Variants in KCNAB1 observed in about 807,000 individuals in gnomAD.
KCNAB1 encodes the protein voltage-gated potassium channel subunit beta-1.
In KCNAB1, 35 loss-of-function variants were observed where a neutral mutation model predicts 64.6. The observed-to-expected ratio is 0.54, with a 90% CI of 0.41 to 0.72. The LOEUF is 0.72. KCNAB1 is among the 30% of genes least tolerant of loss of function. The probability of loss-of-function intolerance (pLI) is 0.00; values close to 1 mark genes in which losing one functional copy is unlikely to be tolerated. For synonymous variants in KCNAB1, 177 were observed against 183.8 expected, an observed-to-expected ratio of 0.96 and a Z score of 0.30; for missense variants, 401 against 512.9, an observed-to-expected ratio of 0.78 and a Z score of 2.11.
Position 156,120,653 on chromosome 3 carries a change from A to G in KCNAB1, c.42A>G (p.Ser14=). The G allele has an allele frequency of 6.2e-7, 1 of 1,614,238 alleles. No individual in the cohort carries two copies. The highest frequency in any genetic ancestry group is 1.1e-5 in the South Asian group (1 of 91,088). The change falls in exon 1 of 14, where the codon TCA becomes TCG. Residue 14 remains serine, a synonymous_variant. Transcript: ENST00000490337. ...CAGGGGCAGCGGGGAGTCAGATCTC[A>G]GAGGAGAACACCAAGTTAAGGAGAC... ...ARTGAAGSQI[S]EENTKLRRQS... is the part of the protein sequence containing the mutation.
In KCNAB1 at chr3:156,252,827, G is replaced by A. The variant is rs564466315; in HGVS notation, c.275+131941G>A. Among the ~76,000 whole-genome samples the A allele has an allele frequency of 5.3e-5, 8 of 152,284 alleles. No individual in the cohort carries two copies. The East Asian group carries it at 1.2e-3, about 22-fold the overall frequency. On this transcript the variant is annotated intron_variant, in intron 1 of 13. Transcript: ENST00000490337. ...AAGAGAGTCAGCAGCTTTCCAACGCGCATTGTCTTAAAAACTTTCATATCC... is the reference window on the plus strand; with the variant it reads ...AAGAGAGTCAGCAGCTTTCCAACGCACATTGTCTTAAAAACTTTCATATCC...
intron 1 of KCNAB1, among the ~76,000 whole-genome samples, chr3:156,231,936 C>T (rs1220722371): frequency 6.6e-6 from 1 of 152,162 alleles, no homozygotes; most frequent in Non-Finnish European, 1.5e-5. Flanking sequence ...CACATGTTCT[C>T]AGGCTGAGGG....
chr3:156,208,840 C>G (rs1020611434), intron 1 of KCNAB1, among the ~76,000 whole-genome samples: 1 of 152,164 alleles, frequency 6.6e-6, no homozygotes, highest in Non-Finnish European at 1.5e-5. Context: ...ATAGTGAAAC[C>G]TCACTCATTC....
In KCNAB1 at chr3:156,128,305, CTG is replaced by C. The variant is rs142635294; in HGVS notation, c.275+7423_275+7424del. Among the ~76,000 whole-genome samples the C allele has an allele frequency of 9.0e-3, 1,375 of 152,252 alleles. 29 individuals carry two copies. The highest frequency in any genetic ancestry group is 0.032 in the African/African-American group (1,324 of 41,534). On this transcript the variant is annotated intron_variant, in intron 1 of 13. Transcript: ENST00000490337. ...ACATAAACCTGACCAAAGGGGCACA[CTG>C]TGTTGTTTATAGAGACAGTGCAACT...
chr3:156,478,141 A>G (rs1003745195), intron 8 of KCNAB1, among the ~76,000 whole-genome samples: 3 of 152,140 alleles, frequency 2.0e-5, no homozygotes, highest in East Asian at 1.9e-4. Flanking sequence ...TCATCACCAG[A>G]TAGTTGTCCA....
intron 8 of KCNAB1, among the ~76,000 whole-genome samples, chr3:156,504,919 AT>A (rs1716730347): frequency 6.6e-6 from 1 of 151,218 alleles, no homozygotes; most frequent in Non-Finnish European, 1.5e-5. Context: ...ATATAATTCC[AT>A]TTGTCTGTTT....
At chr3:156,382,579 C>T (rs1396126557) in intron 1 of KCNAB1, among the ~76,000 whole-genome samples, 1 of 152,152 alleles carries the variant, frequency 6.6e-6, no homozygotes. Context: ...CTGGTTGGTG[C>T]CATTTACCGA....
At chr3:156,461,584 A>G (rs1712914315) in intron 5 of KCNAB1, among the ~76,000 whole-genome samples, 1 of 152,206 alleles carries the variant, frequency 6.6e-6, no homozygotes, top group Non-Finnish European at 1.5e-5. Flanking sequence ...CAATTATAAC[A>G]GAAACCTTGG....
intron 1 of KCNAB1, among the ~76,000 whole-genome samples, chr3:156,137,571 C>A (rs1048087283): frequency 6.7e-5 from 10 of 148,566 alleles, no homozygotes; most frequent in African/African-American, 2.5e-4. Flanking sequence ...TTTTTTGAGA[C>A]AGAGTTTTGC....
chr3:156,485,892 C>T (rs555071403), intron 8 of KCNAB1, among the ~76,000 whole-genome samples: 7 of 152,200 alleles, frequency 4.6e-5, no homozygotes, highest in East Asian at 1.9e-4. Flanking sequence ...CCTCCAGCTC[C>T]GCCCATGTTG....
intron 1 of KCNAB1, among the ~76,000 whole-genome samples, chr3:156,363,516 C>T (rs1294824173): frequency 6.6e-6 from 1 of 151,656 alleles, no homozygotes; most frequent in Non-Finnish European, 1.5e-5. Flanking sequence ...TGCTCTGTTG[C>T]CCAGGCTGGG....
intron 1 of KCNAB1, among the ~76,000 whole-genome samples, chr3:156,133,974 T>A (rs1714147147): frequency 6.6e-6 from 1 of 152,190 alleles, no homozygotes; most frequent in Admixed American, 6.5e-5. Context: ...AGGATGGGAC[T>A]GATAACATTT....
chr3:156,271,224 C>A (rs1258763010), intron 1 of KCNAB1, among the ~76,000 whole-genome samples: 1 of 152,052 alleles, frequency 6.6e-6, no homozygotes, highest in African/African-American at 2.4e-5. Context: ...GTATTGATAT[C>A]TCTCTCTAGG....
intron 1 of KCNAB1, among the ~76,000 whole-genome samples, chr3:156,208,301 A>T (rs1714789307): frequency 6.6e-6 from 1 of 151,964 alleles, no homozygotes; most frequent in Non-Finnish European, 1.5e-5. Context: ...TTCTCTCCCA[A>T]TGTCTACCCT....
intron 1 of KCNAB1, among the ~76,000 whole-genome samples, chr3:156,304,314 G>A (rs1425802144): frequency 1.3e-5 from 2 of 152,102 alleles, no homozygotes; most frequent in Non-Finnish European, 2.9e-5. Flanking sequence ...CAAACTAAGG[G>A]AATGAATAGT....
At chr3:156,321,382 A>G (rs1198471006) in intron 1 of KCNAB1, among the ~76,000 whole-genome samples, 2 of 152,168 alleles carry the variant, frequency 1.3e-5, no homozygotes, top group Non-Finnish European at 2.9e-5. Context: ...TTGGCCCATT[A>G]TATCCTCAAG....
intron 1 of KCNAB1, among the ~76,000 whole-genome samples, chr3:156,186,848 C>CTTTTTTTTTTTTTTTTTTTTT (rs11293662): frequency 7.0e-6 from 1 of 142,640 alleles, no homozygotes. Flanking sequence ...TCCTTAGCAT[C>CTTTTTTTTTTTTTTTTTTTTT]TTTTTTTTTT....
chr3:156,218,099 C>T (rs990562315), intron 1 of KCNAB1: 1 of 152,318 alleles, frequency 6.6e-6, no homozygotes, highest in African/African-American at 2.4e-5. Context: ...TGGTCTGGGG[C>T]AAGTTCTCAG....
intron 8 of KCNAB1, among the ~76,000 whole-genome samples, chr3:156,500,144 G>A (rs1036882108): frequency 1.3e-5 from 2 of 152,156 alleles, no homozygotes; most frequent in African/African-American, 4.8e-5. Context: ...ACAGCCTAGA[G>A]TAAATCTCAG....
Sources: gnomAD v4.1 joint callset for allele counts (sites outside exome capture counted in the v4.1 genomes callset) on GRCh38, gnomAD v4.1.1 for gene constraint, MANE v1.5 for transcripts, NCBI Gene and HGNC (gene_info 2026-07-23, HGNC 2026-07-21) for gene names.